The following KHDRBS2 variants were observed in gnomAD, a reference collection of about 807,000 sequenced individuals.
The protein encoded by KHDRBS2 is KH RNA binding domain containing, signal transduction associated 2.
KHDRBS2 carries 26 observed loss-of-function variants against 44.3 expected under a neutral mutation model. The ratio of observed to expected loss-of-function variants is 0.59; its 90% CI spans 0.43 to 0.81. KHDRBS2 has a LOEUF of 0.81. Among genes scored for constraint, KHDRBS2 ranks in the 40% least tolerant of loss-of-function variants. KHDRBS2 has a pLI of 0.00. For synonymous variants in KHDRBS2, 194 were observed against 151.1 expected, an observed-to-expected ratio of 1.28 and a Z score of -2.08; for missense variants, 476 against 433.1, an observed-to-expected ratio of 1.10 and a Z score of -0.88.
At chr6:62,169,941 T>G (rs1184095370) in intron 2 of KHDRBS2, among the ~76,000 whole-genome samples, 1 of 151,510 alleles carries the variant, frequency 6.6e-6, no homozygotes, top group Non-Finnish European at 1.5e-5. Flanking sequence ...GTCCCAGTGG[T>G]CCCTCTTCTG....
chr6:61,939,890 G>C (rs1198931898), intron 4 of KHDRBS2, among the ~76,000 whole-genome samples: 2 of 152,208 alleles, frequency 1.3e-5, no homozygotes, highest in Middle Eastern at 6.8e-3. Context: ...ACTTTTCCTA[G>C]TATACACATT....
At chr6:61,725,613 T>C (rs1484853651) in intron 7 of KHDRBS2, among the ~76,000 whole-genome samples, 29 of 151,970 alleles carry the variant, frequency 1.9e-4, no homozygotes. Context: ...AAGGGGGATA[T>C]CACCACTGAC....
chr6:61,881,762 T>G (rs1800240547), intron 6 of KHDRBS2, among the ~76,000 whole-genome samples: 1 of 152,012 alleles, frequency 6.6e-6, no homozygotes, highest in African/African-American at 2.4e-5. Context: ...TGTTACAATA[T>G]TAATAGTCAG....
At chr6:62,072,046 A>T (rs2127346084) in intron 2 of KHDRBS2, among the ~76,000 whole-genome samples, 1 of 152,206 alleles carries the variant, frequency 6.6e-6, no homozygotes. Context: ...CTCCTTGAAG[A>T]GGTCTTTCAC....
the KHDRBS2 span, among the ~76,000 whole-genome samples, chr6:61,595,115 T>A: frequency 6.6e-6 from 1 of 152,176 alleles, no homozygotes; most frequent in South Asian, 2.1e-4. Context: ...TTTTTAATAC[T>A]ATATAAAATT....
chr6:62,188,869 T>C (rs1303719649), intron 1 of KHDRBS2, among the ~76,000 whole-genome samples: 1 of 152,176 alleles, frequency 6.6e-6, no homozygotes, highest in Non-Finnish European at 1.5e-5. Flanking sequence ...ATCCTAGCAC[T>C]TTGAGAGGCA....
At chr6:61,985,700 A>G (rs1296746129) in intron 3 of KHDRBS2, among the ~76,000 whole-genome samples, 2 of 152,126 alleles carry the variant, frequency 1.3e-5, no homozygotes, top group African/African-American at 4.8e-5. Context: ...AGTCCAATAA[A>G]CCAAAAACAA....
At chr6:62,206,358 G>A (rs556828565) in intron 1 of KHDRBS2, among the ~76,000 whole-genome samples, 2 of 151,996 alleles carry the variant, frequency 1.3e-5, no homozygotes, top group East Asian at 3.9e-4. Flanking sequence ...AACGTTCTTT[G>A]GTAAAAAGAA....
intron 6 of KHDRBS2, among the ~76,000 whole-genome samples, chr6:61,826,079 G>A (rs1344519555): frequency 2.0e-5 from 3 of 152,052 alleles, no homozygotes; most frequent in Non-Finnish European, 4.4e-5. Context: ...CAAAGAAGGA[G>A]TTTTCCAAAT....
At position 62,258,716 on chromosome 6, in the gene KHDRBS2, T is replaced by C. The variant is rs149932178; in HGVS notation, c.91+27142A>G. On this transcript the variant is annotated intron_variant, in intron 1 of 8. Transcript: ENST00000281156. ...GTTTTAGCCCTAAGATATCCCATTATGTATATATAAATATTCCAAAATCTG... is the reference window on the plus strand; with the variant it reads ...GTTTTAGCCCTAAGATATCCCATTACGTATATATAAATATTCCAAAATCTG... 2.5e-3 allele frequency among the ~76,000 whole-genome samples: 388 copies of C among 152,192 alleles called. 3 individuals carry two copies. The highest frequency in any genetic ancestry group is 8.5e-3 in the African/African-American group (353 of 41,554).
At chr6:62,011,080 G>A (rs550560180) in intron 3 of KHDRBS2, among the ~76,000 whole-genome samples, 13 of 152,072 alleles carry the variant, frequency 8.5e-5, no homozygotes, top group African/African-American at 2.9e-4. Context: ...GGCTTATAAT[G>A]TCAGGAACAT....
intron 6 of KHDRBS2, among the ~76,000 whole-genome samples, chr6:61,864,399 G>A (rs1252682507): frequency 1.3e-5 from 2 of 152,102 alleles, no homozygotes; most frequent in Non-Finnish European, 2.9e-5. Flanking sequence ...GCATGTTTTT[G>A]TAGTGGCTGG....
chr6:61,891,819 T>C (rs1441782307), intron 6 of KHDRBS2, among the ~76,000 whole-genome samples: 7 of 152,196 alleles, frequency 4.6e-5, no homozygotes, highest in East Asian at 1.9e-4. Flanking sequence ...AAACTGGAAG[T>C]ATTCCCTTTG....
At chr6:62,251,436 T>C (rs1836513190) in intron 1 of KHDRBS2, among the ~76,000 whole-genome samples, 1 of 152,018 alleles carries the variant, frequency 6.6e-6, no homozygotes, top group Non-Finnish European at 1.5e-5. Context: ...AAGTTTGCAA[T>C]TATTTTAGAA....
intron 6 of KHDRBS2, among the ~76,000 whole-genome samples, chr6:61,855,863 T>C (rs1796081261): frequency 6.6e-6 from 1 of 152,018 alleles, no homozygotes; most frequent in South Asian, 2.1e-4. Flanking sequence ...AGCTGGCTTA[T>C]TAGCACACCC....
intron 2 of KHDRBS2, among the ~76,000 whole-genome samples, chr6:62,108,394 G>T (rs1296739493): frequency 6.6e-6 from 1 of 152,136 alleles, no homozygotes; most frequent in Non-Finnish European, 1.5e-5. Context: ...AAACCACAAT[G>T]AAATACCATC....
chr6:62,093,191 A>G lies in KHDRBS2; in HGVS notation c.220-45197T>C, dbSNP rs542115306. Among the ~76,000 whole-genome samples, 6 of 151,952 alleles carry G rather than the reference A, an allele frequency of 3.9e-5. No homozygotes were observed. In the South Asian group the frequency reaches 1.2e-3, roughly 31 times the overall value. Reference sequence around the variant, plus strand: ...TACAATAAAACAGGATAAAACTAAGAAAATGGAGAAATTATCCTGACCTTA... The same window carrying G: ...TACAATAAAACAGGATAAAACTAAGGAAATGGAGAAATTATCCTGACCTTA... On this transcript the variant is annotated intron_variant, in intron 2 of 8. Coordinates refer to ENST00000281156, the MANE Select transcript of KHDRBS2 (RefSeq NM_152688.4).
chr6:61,870,596 G>A (rs1053321022), intron 6 of KHDRBS2, among the ~76,000 whole-genome samples: 8 of 152,148 alleles, frequency 5.3e-5, no homozygotes, highest in African/African-American at 1.9e-4. Flanking sequence ...CCTCCCAGGA[G>A]AGGCTGATAG....
At chr6:61,894,581 T>C (rs1053935327) in intron 6 of KHDRBS2, 54 bp downstream of exon 6, 3 of 1,409,204 alleles carry the variant, frequency 2.1e-6, no homozygotes, top group African/African-American at 2.8e-5. Context: ...AGACGTAGCT[T>C]GTTAACTAAT....
Sources: allele counts gnomAD v4.1 joint callset (sites outside exome capture counted in the v4.1 genomes callset), GRCh38; gene constraint gnomAD v4.1.1; transcripts MANE v1.5; gene names NCBI Gene and HGNC (gene_info 2026-07-23, HGNC 2026-07-21).